The following CDH13 variants were observed in gnomAD, a reference collection of about 807,000 sequenced individuals.
CDH13 encodes the protein cadherin-13.
CDH13 carries 24 observed loss-of-function variants against 63.8 expected under a neutral mutation model. That is an observed-to-expected ratio of 0.38 (90% CI 0.27 to 0.53). CDH13 has a LOEUF of 0.53. Among genes scored for constraint, CDH13 ranks in the 20% least tolerant of loss-of-function variants. CDH13 has a pLI of 0.85. For synonymous variants in CDH13, 503 were observed against 355.3 expected, an observed-to-expected ratio of 1.42 and a Z score of -4.67; for missense variants, 1,049 against 903.1, an observed-to-expected ratio of 1.16 and a Z score of -2.07.
chr16:83,627,655 A>G (rs541881139), intron 8 of CDH13, among the ~76,000 whole-genome samples: 79 of 152,186 alleles, frequency 5.2e-4, no homozygotes, highest in Admixed American at 9.8e-4. Context: ...GGCTCAACCA[A>G]TCCTCTCACC....
At chr16:83,029,694 A>G (rs1238548453) in intron 2 of CDH13, among the ~76,000 whole-genome samples, 1 of 152,136 alleles carries the variant, frequency 6.6e-6, no homozygotes, top group Non-Finnish European at 1.5e-5. Context: ...TAGAGGCTAG[A>G]ATAATGTAGC....
chr16:83,743,690 A>AATC (rs576392437), intron 10 of CDH13, among the ~76,000 whole-genome samples: 27 of 147,450 alleles, frequency 1.8e-4, no homozygotes, highest in African/African-American at 5.2e-4. Context: ...AACCACTACC[A>AATC]ATCACTCCTG....
intron 7 of CDH13, among the ~76,000 whole-genome samples, chr16:83,523,930 G>C (rs1176765148): frequency 1.3e-5 from 2 of 152,174 alleles, no homozygotes; most frequent in African/African-American, 4.8e-5. Flanking sequence ...CACCTTCTCT[G>C]CACCAGCCCA....
intron 7 of CDH13, among the ~76,000 whole-genome samples, chr16:83,579,078 C>T (rs1905299034): frequency 6.6e-6 from 1 of 152,200 alleles, no homozygotes; most frequent in Non-Finnish European, 1.5e-5. Context: ...TGTTTAAAGA[C>T]AGTGTTATAA....
intron 5 of CDH13, among the ~76,000 whole-genome samples, chr16:83,253,025 G>T (rs761322126): frequency 2.6e-5 from 4 of 152,150 alleles, no homozygotes; most frequent in African/African-American, 9.6e-5. Context: ...GAGGTATTGC[G>T]TGCCAAACCC....
At chr16:82,838,802 C>G (rs1439295128) in intron 1 of CDH13, among the ~76,000 whole-genome samples, 1 of 152,180 alleles carries the variant, frequency 6.6e-6, no homozygotes, top group Non-Finnish European at 1.5e-5. Context: ...ACTTCACTGG[C>G]CTCTCCAGGC....
intron 7 of CDH13, among the ~76,000 whole-genome samples, chr16:83,514,226 G>A (rs190117234): frequency 6.6e-6 from 1 of 152,200 alleles, no homozygotes; most frequent in East Asian, 1.9e-4. Context: ...GGTTGACTAG[G>A]GTCCTCCCCA....
At chr16:83,732,147 G>T (rs1911099207) in intron 10 of CDH13, among the ~76,000 whole-genome samples, 1 of 152,210 alleles carries the variant, frequency 6.6e-6, no homozygotes, top group Non-Finnish European at 1.5e-5. Flanking sequence ...GGGAAGACCG[G>T]CAATGAACAA....
At chr16:83,137,872 GT>G (rs34202944) in intron 4 of CDH13, among the ~76,000 whole-genome samples, 12 of 149,162 alleles carry the variant, frequency 8.0e-5, no homozygotes, top group African/African-American at 2.0e-4. Flanking sequence ...TGTTTTTTAG[GT>G]TTTTTTTTTA....
chr16:83,346,873 C>T (rs994912501), intron 6 of CDH13, among the ~76,000 whole-genome samples: 1 of 152,094 alleles, frequency 6.6e-6, no homozygotes, highest in Non-Finnish European at 1.5e-5. Context: ...AGAGACAGTT[C>T]TCCAGCAAAA....
At chr16:83,300,528 G>C (rs996933746) in intron 5 of CDH13, among the ~76,000 whole-genome samples, 2 of 152,220 alleles carry the variant, frequency 1.3e-5, no homozygotes, top group Non-Finnish European at 2.9e-5. Flanking sequence ...CTTTCTGCCA[G>C]TTCATGTGTT....
intron 1 of CDH13, among the ~76,000 whole-genome samples, chr16:82,805,270 G>A (rs1377035171): frequency 6.6e-6 from 1 of 152,188 alleles, no homozygotes; most frequent in Non-Finnish European, 1.5e-5. Context: ...AGAGAGAAGT[G>A]ATTAGATGAT....
chr16:82,795,054 C>G (rs991026258), intron 1 of CDH13, among the ~76,000 whole-genome samples: 2 of 152,302 alleles, frequency 1.3e-5, no homozygotes, highest in East Asian at 1.9e-4. Flanking sequence ...CTCATAGTCT[C>G]ATTCATGATG....
intron 1 of CDH13, among the ~76,000 whole-genome samples, chr16:82,706,273 A>G (rs902486605): frequency 3.9e-5 from 6 of 152,210 alleles, no homozygotes; most frequent in Non-Finnish European, 8.8e-5. Context: ...GGTTCCCGTT[A>G]CATGATGAGT....
chr16:83,332,869 G>A (rs1028205328), intron 5 of CDH13, among the ~76,000 whole-genome samples: 3 of 152,140 alleles, frequency 2.0e-5, no homozygotes, highest in African/African-American at 7.2e-5. Flanking sequence ...GTGATTGTGA[G>A]CGTGCATACA....
chr16:82,961,104 AC>A (rs1158851260), intron 2 of CDH13, among the ~76,000 whole-genome samples: 2 of 151,670 alleles, frequency 1.3e-5, no homozygotes, highest in African/African-American at 4.8e-5. Context: ...GCCTCCCCAC[AC>A]CCCCTGAGCT....
intron 7 of CDH13, among the ~76,000 whole-genome samples, chr16:83,509,443 T>G (rs2151600791): frequency 6.6e-6 from 1 of 152,290 alleles, no homozygotes; most frequent in Middle Eastern, 3.4e-3. Context: ...CTGTGCAGCT[T>G]TACTTTTTTG....
intron 7 of CDH13, among the ~76,000 whole-genome samples, chr16:83,496,642 A>G (rs1462723695): frequency 1.3e-5 from 2 of 152,192 alleles, no homozygotes; most frequent in Non-Finnish European, 2.9e-5. Flanking sequence ...AATGGCAACA[A>G]AAGACAAAAT....
chr16:83,022,599 G>A lies in CDH13; in HGVS notation c.158-9411G>A, dbSNP rs148781504. ...GCAAGTCCTTCTCTTCTGTGTGTGC[G>A]TATGAAGATCCTGGAGGTGGATCTG... On this transcript the variant is annotated intron_variant, in intron 2 of 13. Transcript: ENST00000567109. 6.5e-3 allele frequency among the ~76,000 whole-genome samples: 986 copies of A among 152,308 alleles called. 11 individuals are homozygous for A. The highest frequency in any genetic ancestry group is 0.018 in the African/African-American group (736 of 41,574).
Sources: allele counts gnomAD v4.1 joint callset (sites outside exome capture counted in the v4.1 genomes callset), GRCh38; gene constraint gnomAD v4.1.1; transcripts MANE v1.5; gene names NCBI Gene and HGNC (gene_info 2026-07-23, HGNC 2026-07-21).